The following CNOT1 variants were observed in gnomAD, a reference collection of about 807,000 sequenced individuals.
CNOT1 encodes the protein CCR4-associated factor 1.
Under a neutral mutation model 273.8 loss-of-function variants are expected in CNOT1, and 15 were observed. That is an observed-to-expected ratio of 0.05 (90% CI 0.04 to 0.08). The LOEUF is 0.08. Among genes scored for constraint, CNOT1 ranks in the 10% least tolerant of loss-of-function variants. The probability of loss-of-function intolerance (pLI) is 1.00; values close to 1 mark genes in which losing one functional copy is unlikely to be tolerated. For synonymous variants in CNOT1, 1,022 were observed against 1,005.5 expected (o/e 1.02, Z -0.31); for missense variants, 1,644 against 2,912.2 (o/e 0.56, Z 10.02).
chr16:58,558,146 T>C (rs1482841755), intron 18 of CNOT1, among the ~76,000 whole-genome samples: 1 of 152,222 alleles, frequency 6.6e-6, no homozygotes, highest in Non-Finnish European at 1.5e-5. Flanking sequence ...CCAACCTGAA[T>C]TCATAAAGCT....
chr16:58,581,666 CT>C (rs923677174), intron 10 of CNOT1, 151 bp from the exon 11 acceptor site: 21,600 of 1,151,290 alleles, frequency 0.019, no homozygotes, highest in South Asian at 0.038. Flanking sequence ...CTTTTTTTTT[CT>C]TTTTTTTTTT....
At chr16:58,544,279 T>C (rs1424071) in intron 30 of CNOT1, among the ~76,000 whole-genome samples, 59,299 of 151,850 alleles carry the variant, frequency 0.39, 12,960 homozygotes, top group African/African-American at 0.59. Context: ...ATAAAGTTTA[T>C]AGAAAAAAGA....
chr16:58,532,171 C>A (rs752262677), intron 41 of CNOT1, 61 bp downstream of exon 41: 9 of 1,605,086 alleles, frequency 5.6e-6, no homozygotes, highest in Non-Finnish European at 7.7e-6. Context: ...AGTTCTACTC[C>A]CAAAATTTTA....
chr16:58,574,099 A>G (rs578056547), intron 16 of CNOT1, among the ~76,000 whole-genome samples: 9 of 152,060 alleles, frequency 5.9e-5, no homozygotes, highest in African/African-American at 2.2e-4. Flanking sequence ...AAAAGAAAAA[A>G]AAGAAGAAGA....
rs1328886235 is a variant in CNOT1, at chr16:58,547,213, T to C, written c.3723A>G (p.Lys1241=). 3 of 1,613,510 alleles carry C rather than the reference T, an allele frequency of 1.9e-6. No homozygotes were observed. The highest frequency in any genetic ancestry group is 2.5e-6 in the Non-Finnish European group (3 of 1,179,782). The change falls in exon 27 of 49, where the codon AAA becomes AAG. Residue 1241 remains lysine (K), a synonymous_variant. Coordinates refer to ENST00000317147, the MANE Select transcript of CNOT1 (RefSeq NM_016284.5). This position sits in a 1 kb window ranked among gnomAD's most constrained non-coding sequence, Gnocchi z 4.0. Reference sequence around the variant, plus strand: ...CACTACGAATGCTAGATTCTAAGACTTTGGCAACAAAGGGCACTACATAGA... The same window carrying C: ...CACTACGAATGCTAGATTCTAAGACCTTGGCAACAAAGGGCACTACATAGA... ...ELLYVVPFVA[K]VLESSIRSVV...
At position 58,538,060 on chromosome 16, in the gene CNOT1, A is replaced by T. The variant is rs1453016881; in HGVS notation, c.5245T>A (p.Ser1749Thr). ...MQQYDLHLAQ[S>T]MENGLNYMAV... is the part of the protein sequence containing the mutation. ...ATGTAGTTTAAGCCATTCTCCATTG[A>T]CTGGCAACACAGAAAACATAATGTG... Residue 1749 changes from serine (S) to threonine (T), a missense_variant and splice_region_variant, in exon 38 of 49, where the codon TCA becomes ACA. Transcript: ENST00000317147. 6.2e-7 allele frequency: 1 copy of T among 1,614,202 alleles called. No individual in the cohort carries two copies. The highest frequency in any genetic ancestry group is 1.1e-5 in the South Asian group (1 of 91,090).
chr16:58,581,612 G>T, intron 10 of CNOT1, 97 bp from the exon 11 acceptor site: 9 of 1,418,264 alleles, frequency 6.3e-6, no homozygotes, highest in South Asian at 3.3e-5. Flanking sequence ...CAATTTAGAT[G>T]TTCTACTTAC....
At chr16:58,601,343 C>T (rs945034307) in intron 1 of CNOT1, among the ~76,000 whole-genome samples, 9 of 152,230 alleles carry the variant, frequency 5.9e-5, no homozygotes, top group East Asian at 1.9e-4. Context: ...GTGATCCGCC[C>T]GCCTCGGCCT....
At chr16:58,545,626 T>C in intron 29 of CNOT1, 135 bp from the exon 30 acceptor site, 1 of 1,431,136 alleles carries the variant, frequency 7.0e-7, no homozygotes, top group South Asian at 1.4e-5. Context: ...ATGTAGCAGG[T>C]CCTATTTTTC....
At chr16:58,543,366 T>C in intron 31 of CNOT1, 1 of 1,546,818 alleles carries the variant, frequency 6.5e-7, no homozygotes, top group African/African-American at 1.4e-5. Context: ...CCAACAAATA[T>C]TTGGGTATCT....
intron 16 of CNOT1, among the ~76,000 whole-genome samples, chr16:58,565,548 A>G (rs2041011061): frequency 6.6e-6 from 1 of 152,220 alleles, no homozygotes; most frequent in Non-Finnish European, 1.5e-5. Context: ...TGCTCTTCAA[A>G]GCTATTTTTC....
At chr16:58,624,065 G>A (rs892060871) in intron 1 of CNOT1, among the ~76,000 whole-genome samples, 1 of 152,144 alleles carries the variant, frequency 6.6e-6, no homozygotes, top group Non-Finnish European at 1.5e-5. Context: ...ACAAAAGAAG[G>A]GGGTATTAGG....
At chr16:58,584,154 C>T (rs1460320840) in intron 8 of CNOT1, among the ~76,000 whole-genome samples, 1 of 140,918 alleles carries the variant, frequency 7.1e-6, no homozygotes, top group African/African-American at 2.6e-5. Flanking sequence ...GGCAACAGAG[C>T]AACACTCCGT....
Position 58,628,599 on chromosome 16 carries a change from TA to T in CNOT1, c.-175+1128del, listed in dbSNP as rs11394544. On this transcript the variant is annotated intron_variant, in intron 1 of 48. Transcript: ENST00000317147. Reference sequence around the variant, plus strand: ...AATTATATTCACTCAATCACTGACTTAAAAAAAAAAAAAAACCCAAGTAGTC... The same window carrying T: ...AATTATATTCACTCAATCACTGACTTAAAAAAAAAAAAAACCCAAGTAGTC... Among the ~76,000 whole-genome samples, 116 of 141,058 alleles carry T rather than the reference TA, an allele frequency of 8.2e-4. 1 individual carries two copies. The Middle Eastern group carries it at 0.014, about 17-fold the overall frequency. The allele number at this position is 141,058 out of a possible 152,430, so 92.5% of individuals were successfully genotyped here. A position where few individuals can be genotyped will look rare whatever the true frequency, so the allele number is the denominator to read the frequency against.
intron 6 of CNOT1, 152 bp from the exon 7 acceptor site, chr16:58,586,900 C>T (rs1010403893): frequency 1.1e-5 from 11 of 996,958 alleles, no homozygotes; most frequent in Admixed American, 2.7e-5. Context: ...TATAAAGAAA[C>T]CAATGGCCAG....
chr16:58,610,435 A>G (rs1319838866), intron 1 of CNOT1, among the ~76,000 whole-genome samples: 1 of 152,002 alleles, frequency 6.6e-6, no homozygotes, highest in African/African-American at 2.4e-5. Flanking sequence ...CAGGCGCGGT[A>G]GCTCATGCCT....
chr16:58,541,568 T>C lies in CNOT1; in HGVS notation c.4733A>G (p.Asn1578Ser), dbSNP rs753742405. The C allele has an allele frequency of 4.3e-5, 69 of 1,613,962 alleles. No individual in the cohort carries two copies. Among genetic ancestry groups the C allele is most frequent in the Non-Finnish European group, 5.3e-5 (63 of 1,179,936 alleles). The change falls in exon 34 of 49, where the codon AAT (asparagine) becomes AGT (serine). Residue 1578 changes from asparagine (N) to serine (S), a missense_variant. By Grantham distance (46) the Asn-to-Ser change is conservative. Coordinates refer to ENST00000317147, the MANE Select transcript of CNOT1 (RefSeq NM_016284.5). ...ATTTGTAGGTAAGAAGCCAGGAACA[T>C]TGCGTGCAAACTCTTCGTAAACAGC... ...QLAVYEEFAR[N>S]VPGFLPTNDL...
At chr16:58,545,617 T>C in intron 29 of CNOT1, 126 bp from the exon 30 acceptor site, 340 of 1,002,674 alleles carry the variant, frequency 3.4e-4, no homozygotes, top group Middle Eastern at 7.2e-4. Flanking sequence ...GAGGGAAGGA[T>C]GTAGCAGGTC....
chr16:58,530,468 T>C, intron 42 of CNOT1, 121 bp from the exon 43 acceptor site: 1 of 601,672 alleles, frequency 1.7e-6, no homozygotes, highest in Non-Finnish European at 2.7e-6. Flanking sequence ...AGAATACTAA[T>C]GTTAAGTACT....
Sources: allele counts gnomAD v4.1 joint callset (sites outside exome capture counted in the v4.1 genomes callset), GRCh38; gene constraint gnomAD v4.1.1; non-coding constraint Gnocchi (gnomAD v3.1); transcripts MANE v1.5; gene names NCBI Gene and HGNC (gene_info 2026-07-23, HGNC 2026-07-21).